Variants in LIMA1 observed in about 807,000 individuals in gnomAD.
LIMA1 encodes the protein LIM domain and actin-binding protein 1.
In LIMA1, 52 loss-of-function variants were observed where a neutral mutation model predicts 62.6. The ratio of observed to expected loss-of-function variants is 0.83; its 90% confidence interval spans 0.67 to 1.05. LIMA1 has a LOEUF of 1.05. Ranked by LOEUF, LIMA1 falls within the 50% of genes least tolerant of loss-of-function variation. The pLI, the probability that LIMA1 is intolerant of heterozygous loss-of-function variation, is 0.00. For synonymous variants in LIMA1, 302 were observed against 317.8 expected (o/e 0.95, Z 0.53); for missense variants, 780 against 902.2 (o/e 0.86, Z 1.74).
At chr12:50,236,290 A>AT (rs1056967942) in intron 2 of LIMA1, among the ~76,000 whole-genome samples, 2 of 139,036 alleles carry the variant, frequency 1.4e-5, no homozygotes, top group African/African-American at 5.6e-5. Context: ...GTAGGAAAAT[A>AT]TTTTTTTTTC....
chr12:50,224,512 C>G (rs981339905), intron 3 of LIMA1: 3 of 152,156 alleles, frequency 2.0e-5, no homozygotes, highest in African/African-American at 7.2e-5. Context: ...TGTAAGGTCT[C>G]GTGCCACACA....
chr12:50,279,779 G>A (rs757833412), intron 1 of LIMA1, among the ~76,000 whole-genome samples: 10 of 152,162 alleles, frequency 6.6e-5, no homozygotes, highest in Non-Finnish European at 1.5e-4. Flanking sequence ...CTGTAGTGCT[G>A]GAAGCCAAAT....
chr12:50,237,250 T>A (rs1349721291), intron 2 of LIMA1, among the ~76,000 whole-genome samples: 6 of 152,192 alleles, frequency 3.9e-5, no homozygotes, highest in African/African-American at 1.2e-4. Flanking sequence ...TGTATATGTA[T>A]AATGAAATAC....
At chr12:50,196,354 C>T (rs183550356) in intron 7 of LIMA1, among the ~76,000 whole-genome samples, 28 of 152,252 alleles carry the variant, frequency 1.8e-4, no homozygotes, top group African/African-American at 6.0e-4. Context: ...CCTGCTGAAA[C>T]GAGCTTGCCT....
chr12:50,197,635 G>A (rs1041065710), intron 7 of LIMA1, among the ~76,000 whole-genome samples: 6 of 152,128 alleles, frequency 3.9e-5, no homozygotes. Context: ...TTCCAGTTCA[G>A]TTCAGAGTTC....
intron 8 of LIMA1, among the ~76,000 whole-genome samples, chr12:50,193,664 A>ATTTTT (rs1565833501): frequency 1.6e-5 from 1 of 61,760 alleles, no homozygotes; most frequent in African/African-American, 8.0e-5. Context: ...ATATATATAT[A>ATTTTT]TATTTTTTTT....
intron 3 of LIMA1, among the ~76,000 whole-genome samples, chr12:50,229,596 T>TA (rs1941579707): frequency 6.6e-6 from 1 of 152,022 alleles, no homozygotes; most frequent in African/African-American, 2.4e-5. Context: ...CTAATGTAAA[T>TA]GACGAGTTAA....
chr12:50,250,982 A>C (rs916917329), intron 1 of LIMA1, among the ~76,000 whole-genome samples: 15 of 152,220 alleles, frequency 9.9e-5, no homozygotes, highest in Admixed American at 7.9e-4. Context: ...TCCTGAACAA[A>C]ATAATCTTAA....
intron 10 of LIMA1, among the ~76,000 whole-genome samples, chr12:50,179,125 G>A (rs1940429479): frequency 2.6e-5 from 4 of 151,600 alleles, no homozygotes; most frequent in South Asian, 2.1e-4. Context: ...ACAGGAGTGC[G>A]CCACCACGCC....
chr12:50,180,617 G>T (rs1940477131), intron 10 of LIMA1, among the ~76,000 whole-genome samples: 1 of 152,172 alleles, frequency 6.6e-6, no homozygotes, highest in Non-Finnish European at 1.5e-5. Flanking sequence ...ATATAAGCTT[G>T]ATTAATAGAA....
At position 50,193,583 on chromosome 12, in the gene LIMA1, A is replaced by ATG. The variant is rs1491398821; in HGVS notation, c.1031-1024_1031-1023dup. ...ATATGTATATATGATATATATATACATGTATATATGATATATATATACATG... is the reference window on the plus strand; with the variant it reads ...ATATGTATATATGATATATATATACATGTGTATATATGATATATATATACATG... On this transcript the variant is annotated intron_variant, in intron 8 of 10. Transcript: ENST00000341247. Among the ~76,000 whole-genome samples, 10 of 122,700 alleles carry ATG rather than the reference A, an allele frequency of 8.1e-5. No homozygotes were observed. The East Asian group carries it at 1.3e-3, about 16-fold the overall frequency. The allele number at this position is 122,700 out of a possible 152,430, so 80.5% of individuals were successfully genotyped here. A position where few individuals can be genotyped will look rare whatever the true frequency, so the allele number is the denominator to read the frequency against.
intron 8 of LIMA1, among the ~76,000 whole-genome samples, chr12:50,193,671 T>A (rs1243624435): frequency 0.018 from 2,277 of 124,618 alleles, 83 homozygotes; most frequent in African/African-American, 0.049. Context: ...TATATATTTT[T>A]TTTTTTTTTT....
At chr12:50,191,714 C>T (rs935498501) in intron 9 of LIMA1, among the ~76,000 whole-genome samples, 4 of 152,060 alleles carry the variant, frequency 2.6e-5, no homozygotes, top group African/African-American at 4.8e-5. Context: ...CCCAGCTACT[C>T]GGGAGGCCGA....
At chr12:50,209,737 C>T (rs2138507617) in intron 4 of LIMA1, among the ~76,000 whole-genome samples, 1 of 152,150 alleles carries the variant, frequency 6.6e-6, no homozygotes, top group Middle Eastern at 3.4e-3. Flanking sequence ...GTGATCTCAG[C>T]TCACTGCAAC....
chr12:50,197,389 T>TA (rs1384514353), intron 7 of LIMA1, among the ~76,000 whole-genome samples: 1 of 151,786 alleles, frequency 6.6e-6, no homozygotes, highest in Non-Finnish European at 1.5e-5. Context: ...TTTTTTTTTT[T>TA]AACAAGCTGA....
At chr12:50,217,839 C>A in intron 4 of LIMA1, 1 of 220,634 alleles carries the variant, frequency 4.5e-6, no homozygotes, top group Admixed American at 5.0e-5. Context: ...AGGACGCTCA[C>A]TTCAGAAATA....
rs765266381 is a variant in LIMA1 at position 50,177,355 on chromosome 12, C to G, written c.1989G>C (p.Gly663=). 3 of 1,614,206 alleles carry G rather than the reference C, an allele frequency of 1.9e-6. No homozygotes were observed. The highest frequency in any genetic ancestry group is 2.5e-6 in the Non-Finnish European group (3 of 1,180,038). The change falls in exon 11 of 11, where the codon GGG becomes GGC. Residue 663 remains glycine (G), a synonymous_variant. Transcript: ENST00000341247. Reference sequence around the variant, plus strand: ...AACTATGACCTTCCTTACTTCTCTTCCCTGTCTCTCCTTTAGATTCTTTGT... The same window carrying G: ...AACTATGACCTTCCTTACTTCTCTTGCCTGTCTCTCCTTTAGATTCTTTGT... The part of the protein sequence containing the change: ...WQNKESKGET[G]KRSKEGHSLE...
chr12:50,264,554 A>G (rs1376020393), intron 1 of LIMA1, among the ~76,000 whole-genome samples: 2 of 152,166 alleles, frequency 1.3e-5, no homozygotes, highest in Non-Finnish European at 2.9e-5. Flanking sequence ...TCCAATTCCC[A>G]TTCTAGTGTT....
intron 9 of LIMA1, chr12:50,186,331 A>G (rs1011632235): frequency 1.3e-5 from 2 of 152,172 alleles, no homozygotes; most frequent in Non-Finnish European, 2.9e-5. Context: ...TAGAAAGTTA[A>G]ACACCAGGTC....
Sources: allele counts gnomAD v4.1 joint callset (sites outside exome capture counted in the v4.1 genomes callset), GRCh38; gene constraint gnomAD v4.1.1; transcripts MANE v1.5; gene names NCBI Gene and HGNC (gene_info 2026-07-23, HGNC 2026-07-21).